PDE1A: variants seen among roughly 807,000 people sequenced by gnomAD.
PDE1A encodes the protein phosphodiesterase 1A, also known as dual specificity calcium/calmodulin-dependent 3',5'-cyclic nucleotide phosphodiesterase 1A.
A neutral mutation model predicts 61.7 loss-of-function variants in PDE1A; 35 were observed. The observed-to-expected ratio is 0.57, with a 90% CI of 0.43 to 0.75. PDE1A has a LOEUF of 0.75. Among genes scored for constraint, PDE1A ranks in the 30% least tolerant of loss-of-function variants. PDE1A has a pLI of 0.00. For missense variants in PDE1A, 597 were observed against 630.6 expected (o/e 0.95, Z 0.57); for synonymous variants, 232 against 213.2 (o/e 1.09, Z -0.77).
At chr2:182,270,966 T>G (rs1692975486) in intron 1 of PDE1A, among the ~76,000 whole-genome samples, 1 of 151,916 alleles carries the variant, frequency 6.6e-6, no homozygotes, top group Non-Finnish European at 1.5e-5. Flanking sequence ...ACGTAAAGAC[T>G]TTTCCAGTAT....
intron 2 of PDE1A, among the ~76,000 whole-genome samples, chr2:182,499,438 A>G (rs1223959578): frequency 6.6e-6 from 1 of 152,172 alleles, no homozygotes; most frequent in African/African-American, 2.4e-5. Context: ...TGACCAGGCT[A>G]GTCTCAAACT....
chr2:182,332,452 C>T (rs780733459), intron 1 of PDE1A, among the ~76,000 whole-genome samples: 8 of 152,316 alleles, frequency 5.3e-5, no homozygotes, highest in Non-Finnish European at 1.2e-4. Context: ...TGGGAATTCT[C>T]AGCCTTTTTG....
chr2:182,445,394 T>A (rs1398082962), intron 2 of PDE1A, among the ~76,000 whole-genome samples: 1 of 152,142 alleles, frequency 6.6e-6, no homozygotes, highest in Non-Finnish European at 1.5e-5. Flanking sequence ...AACATTCCAT[T>A]TTCCCACTTG....
At chr2:182,471,121 C>T (rs759112404) in intron 2 of PDE1A, among the ~76,000 whole-genome samples, 5 of 151,822 alleles carry the variant, frequency 3.3e-5, no homozygotes, top group Non-Finnish European at 4.4e-5. Context: ...CAGACCAATA[C>T]ATTTATATCT....
upstream of PDE1A, chr2:182,523,238 T>C (rs1458045080): frequency 6.6e-6 from 1 of 151,854 alleles, no homozygotes; most frequent in Admixed American, 6.6e-5. Flanking sequence ...AATGCACTTG[T>C]GTGTGTGTGT....
intron 2 of PDE1A, among the ~76,000 whole-genome samples, chr2:182,444,697 T>C (rs570829204): frequency 1.8e-4 from 27 of 152,068 alleles, no homozygotes; most frequent in East Asian, 9.7e-4. Flanking sequence ...TCAGTAGTAA[T>C]GGGCATACCT....
At chr2:182,531,278 CAT>C in the PDE1A span, among the ~76,000 whole-genome samples, 3 of 150,924 alleles carry the variant, frequency 2.0e-5, no homozygotes, top group Non-Finnish European at 3.0e-5. Flanking sequence ...TAAATCCTAA[CAT>C]GTCAATAATT....
chr2:182,686,048 T>G, the PDE1A span, among the ~76,000 whole-genome samples: 2 of 152,088 alleles, frequency 1.3e-5, no homozygotes, highest in African/African-American at 2.4e-5. Context: ...TCCAGAAAAA[T>G]TGAAAAATAT....
chr2:182,235,196 T>C (rs1250654954), intron 3 of PDE1A, among the ~76,000 whole-genome samples: 1 of 152,230 alleles, frequency 6.6e-6, no homozygotes, highest in Non-Finnish European at 1.5e-5. Flanking sequence ...CAAGCTGGAG[T>C]GCAGTGGTGT....
intron 1 of PDE1A, among the ~76,000 whole-genome samples, chr2:182,368,732 T>C (rs1699972618): frequency 6.6e-6 from 1 of 152,108 alleles, no homozygotes; most frequent in Admixed American, 6.6e-5. Flanking sequence ...TCCAGCTGAG[T>C]GAACTTGGGC....
At chr2:182,598,350 T>C in the PDE1A span, among the ~76,000 whole-genome samples, 1 of 152,016 alleles carries the variant, frequency 6.6e-6, no homozygotes, top group Non-Finnish European at 1.5e-5. Context: ...GGCGGAGGGA[T>C]CACCTAAGGC....
intron 1 of PDE1A, among the ~76,000 whole-genome samples, chr2:182,394,531 G>A (rs1701594298): frequency 1.3e-5 from 2 of 150,328 alleles, no homozygotes; most frequent in African/African-American, 4.9e-5. Context: ...TGGGGAAAGG[G>A]GAATGACCAG....
intron 2 of PDE1A, among the ~76,000 whole-genome samples, chr2:182,496,258 G>A (rs751008178): frequency 2.0e-5 from 3 of 150,440 alleles, no homozygotes; most frequent in Non-Finnish European, 4.4e-5. Context: ...ATATTGTCCA[G>A]CATTTAAATA....
At chr2:182,155,576 C>T (rs568198876) in intron 13 of PDE1A, among the ~76,000 whole-genome samples, 2 of 152,266 alleles carry the variant, frequency 1.3e-5, no homozygotes, top group African/African-American at 4.8e-5. Context: ...CCACCTATAT[C>T]TCACCTTGAA....
At chr2:182,233,159 G>A (rs900475954) in intron 4 of PDE1A, among the ~76,000 whole-genome samples, 2 of 152,108 alleles carry the variant, frequency 1.3e-5, no homozygotes, top group Admixed American at 1.3e-4. Flanking sequence ...TAATTTTCTT[G>A]CTCATTGTTA....
intron 1 of PDE1A, among the ~76,000 whole-genome samples, chr2:182,372,949 G>A (rs770459438): frequency 6.6e-6 from 1 of 152,212 alleles, no homozygotes. Context: ...CAATGTGCAG[G>A]CCAGGGATCC....
At chr2:182,187,162 A>G (rs1352224880) in intron 11 of PDE1A, among the ~76,000 whole-genome samples, 2 of 152,234 alleles carry the variant, frequency 1.3e-5, no homozygotes, top group East Asian at 3.8e-4. Context: ...GTGTTAGTTC[A>G]CAGCATGTGT....
chr2:182,666,937 T>A, the PDE1A span, among the ~76,000 whole-genome samples: 131 of 152,324 alleles, frequency 8.6e-4, no homozygotes, highest in African/African-American at 2.9e-3. Flanking sequence ...ACTTCCTTTT[T>A]CCCAGTGCAC....
rs181344434 is a variant in PDE1A at position 182,153,191 on chromosome 2, C to T, written c.1517-6039G>A. Reference sequence around the variant, plus strand: ...GGAAGCTAATACCTTGTCAGATAGCCAGAAATCTTAGTGTTTAAGTTACAC... The same window carrying T: ...GGAAGCTAATACCTTGTCAGATAGCTAGAAATCTTAGTGTTTAAGTTACAC... On this transcript the variant is annotated intron_variant, in intron 13 of 13. Coordinates refer to the PDE1A transcript ENST00000409365. Among the ~76,000 whole-genome samples the T allele has an allele frequency of 6.4e-4, 97 of 152,164 alleles. 1 individual carries two copies. The highest frequency in any genetic ancestry group is 2.2e-3 in the African/African-American group (91 of 41,494).
Sources: allele counts gnomAD v4.1 joint callset (sites outside exome capture counted in the v4.1 genomes callset), GRCh38; gene constraint gnomAD v4.1.1; transcripts MANE v1.5; gene names NCBI Gene and HGNC (gene_info 2026-07-23, HGNC 2026-07-21).